The following GRSF1 variants were observed in gnomAD, a reference collection of about 807,000 sequenced individuals.
The protein encoded by GRSF1 is G-rich RNA sequence binding factor 1, also known as G-rich sequence factor 1.
A neutral mutation model predicts 51.1 loss-of-function variants in GRSF1; 50 were observed. The observed-to-expected ratio is 0.98, with a 90% confidence interval of 0.78 to 1.24. GRSF1 has a LOEUF of 1.24. Among genes scored for constraint, GRSF1 ranks in the 50% most tolerant of loss-of-function variants. The pLI is 0.00. For missense variants in GRSF1, 700 were observed against 639.7 expected (o/e 1.09, Z -1.02); for synonymous variants, 293 against 253.3 (o/e 1.16, Z -1.49).
At chr4:70,834,304 A>G (rs1734106077) in intron 2 of GRSF1, among the ~76,000 whole-genome samples, 1 of 152,102 alleles carries the variant, frequency 6.6e-6, no homozygotes. Flanking sequence ...AGAAACTAAA[A>G]AAAAAAATCC....
intron 5 of GRSF1, among the ~76,000 whole-genome samples, chr4:70,830,282 A>G (rs555699591): frequency 6.6e-5 from 10 of 152,216 alleles, no homozygotes; most frequent in South Asian, 2.1e-4. Context: ...GCACGCACGC[A>G]CACACACATA....
At chr4:70,831,213 G>A (rs1733953561) in intron 5 of GRSF1, among the ~76,000 whole-genome samples, 2 of 152,224 alleles carry the variant, frequency 1.3e-5, no homozygotes, top group South Asian at 4.1e-4. Flanking sequence ...AAAAAAGCCG[G>A]GCATGGTGGC....
At chr4:70,834,759 C>T (rs531114953) in intron 2 of GRSF1, among the ~76,000 whole-genome samples, 1 of 152,232 alleles carries the variant, frequency 6.6e-6, no homozygotes, top group African/African-American at 2.4e-5. Context: ...GTAGCTGGGA[C>T]TACGGGAGCG....
intron 8 of GRSF1, among the ~76,000 whole-genome samples, chr4:70,824,674 T>A (rs912611170): frequency 6.6e-6 from 1 of 152,034 alleles, no homozygotes; most frequent in African/African-American, 2.4e-5. Context: ...TCCCAGCTAC[T>A]CGGGAGGCTG....
At chr4:70,829,210 A>G (rs1188075760) in intron 5 of GRSF1, among the ~76,000 whole-genome samples, 3 of 152,064 alleles carry the variant, frequency 2.0e-5, no homozygotes, top group Non-Finnish European at 2.9e-5. Flanking sequence ...TTTTCTTAAC[A>G]TGGCCTTCTA....
At chr4:70,838,559 T>C (rs1310943491) in intron 1 of GRSF1, among the ~76,000 whole-genome samples, 1 of 152,056 alleles carries the variant, frequency 6.6e-6, no homozygotes, top group African/African-American at 2.4e-5. Flanking sequence ...GAAGCACAAA[T>C]TGAATTAAGA....
upstream of GRSF1, among the ~76,000 whole-genome samples, chr4:70,840,382 T>C (rs1734422595): frequency 6.6e-6 from 1 of 152,188 alleles, no homozygotes; most frequent in Non-Finnish European, 1.5e-5. Flanking sequence ...TCCTAGCACT[T>C]TGGCAGGCAG....
Position 70,833,292 on chromosome 4 carries a change from A to G in GRSF1, c.515-19T>C. 6.2e-7 allele frequency: 1 copy of G among 1,605,984 alleles called. No individual in the cohort carries two copies. Among genetic ancestry groups the G allele is most frequent in the Non-Finnish European group, 8.5e-7 (1 of 1,175,332 alleles). On this transcript the variant is annotated intron_variant, in intron 2 of 9. Transcript: ENST00000254799. ...CTGCAGTCTAAAAGTGTATGAGCAAAATCAATTGAAAACAGAAATCAAACT... is the reference window on the plus strand; with the variant it reads ...CTGCAGTCTAAAAGTGTATGAGCAAGATCAATTGAAAACAGAAATCAAACT...
intron 9 of GRSF1, among the ~76,000 whole-genome samples, chr4:70,823,974 CTCTTTTT>C (rs1365607673): frequency 2.0e-5 from 2 of 100,932 alleles, no homozygotes; most frequent in South Asian, 3.6e-4. Flanking sequence ...TTGTATCTCT[CTCTTTTT>C]TTTTTTTTTT....
At chr4:70,827,234 G>C (rs1254441683) in intron 6 of GRSF1, among the ~76,000 whole-genome samples, 1 of 151,224 alleles carries the variant, frequency 6.6e-6, no homozygotes, top group Non-Finnish European at 1.5e-5. Flanking sequence ...CCTGCAGTGA[G>C]CCGAGAGTGC....
In GRSF1 at chr4:70,839,555, GGCGGCC is replaced by G; in HGVS notation, c.267_272del (p.Ala91_Ala92del). On this transcript the variant is annotated inframe_deletion, in exon 1 of 10. Transcript: ENST00000254799. ...AGGCACGGAGGGCAGAGTAGGACGC[GGCGGCC>G]GCGGCCGCGGCAGAGGTGGCCACAG... is the stretch of plus-strand genomic sequence containing the variant. 51 of 1,423,850 alleles carry G rather than the reference GGCGGCC, an allele frequency of 3.6e-5. No homozygotes were observed. Among genetic ancestry groups the G allele is most frequent in the African/African-American group, 7.5e-5 (5 of 66,778 alleles). 88.2% of individuals were successfully genotyped at this position (1,423,850 alleles called of 1,614,324 possible). A position where few individuals can be genotyped will look rare whatever the true frequency, so the allele number is the denominator to read the frequency against.
intron 5 of GRSF1, among the ~76,000 whole-genome samples, chr4:70,828,763 G>A (rs10027754): frequency 0.87 from 128,463 of 147,024 alleles, 57,725 homozygotes; most frequent in East Asian, 1. Flanking sequence ...TTGAAGCAGA[G>A]TTTTGCTTTT....
Position 70,839,849 on chromosome 4 carries a change from G to C in GRSF1, c.-22C>G. The C allele has an allele frequency of 6.8e-7, 1 of 1,470,492 alleles. No individual in the cohort carries two copies. The highest frequency in any genetic ancestry group is 8.9e-7 in the Non-Finnish European group (1 of 1,119,710). The allele number at this position is 1,470,492 out of a possible 1,614,324, so 91.1% of individuals were successfully genotyped here. A position where few individuals can be genotyped will look rare whatever the true frequency, so the allele number is the denominator to read the frequency against. On this transcript the variant is annotated 5_prime_UTR_variant, in exon 1 of 10. Transcript: ENST00000254799. The stretch of plus-strand genomic sequence containing the variant: ...CCATGGACTCCGGAGGCGGCGCAGG[G>C]CCTGAAGGCAGCTGCTCCAGCAGCG...
intron 9 of GRSF1, among the ~76,000 whole-genome samples, chr4:70,823,685 C>T (rs1411770052): frequency 1.3e-5 from 2 of 151,834 alleles, no homozygotes; most frequent in South Asian, 2.1e-4. Flanking sequence ...GCCTGGGCAA[C>T]ATAGTGAGAC....
upstream of GRSF1, among the ~76,000 whole-genome samples, chr4:70,840,246 G>C (rs925745267): frequency 9.9e-5 from 15 of 152,062 alleles, no homozygotes; most frequent in African/African-American, 3.6e-4. Flanking sequence ...CCCATGGTTT[G>C]GGCGGGGCCC....
At chr4:70,838,290 T>C (rs1734304156) in intron 1 of GRSF1, among the ~76,000 whole-genome samples, 1 of 151,112 alleles carries the variant, frequency 6.6e-6, no homozygotes, top group Admixed American at 6.6e-5. Context: ...TAACACATAG[T>C]AGATGCTCTA....
At chr4:70,825,484 T>C in intron 7 of GRSF1, 53 bp from the exon 8 acceptor site, 1 of 1,472,728 alleles carries the variant, frequency 6.8e-7, no homozygotes, top group Non-Finnish European at 9.2e-7. Context: ...TAAACCTACC[T>C]AGAAGTCTGG....
chr4:70,821,149 A>AG (rs1023215530), intron 9 of GRSF1, among the ~76,000 whole-genome samples: 2 of 152,232 alleles, frequency 1.3e-5, no homozygotes, highest in African/African-American at 4.8e-5. Flanking sequence ...AGAAGAGGCC[A>AG]GGCACGGTGG....
In GRSF1 at chr4:70,839,798, C is replaced by T. The variant is rs1479009743; in HGVS notation, c.30G>A (p.Ala10=). The change falls in exon 1 of 10, where the codon GCG becomes GCA. Residue 10 remains alanine (A), a synonymous_variant. Transcript: ENST00000254799. Reference sequence around the variant, plus strand: ...AGTTACAGCCGCAGCCCCGGAGCAGCGCCCCGAGTACCCAGCGCGTGCCGG... The same window carrying T: ...AGTTACAGCCGCAGCCCCGGAGCAGTGCCCCGAGTACCCAGCGCGTGCCGG... MAGTRWVLG[A]LLRGCGCNCS... 2.7e-6 allele frequency: 4 copies of T among 1,504,432 alleles called. No homozygotes were observed. In the Middle Eastern group the frequency reaches 7.0e-4, roughly 264 times the overall value. 93.2% of individuals were successfully genotyped at this position (1,504,432 alleles called of 1,614,324 possible).
Sources: allele counts gnomAD v4.1 joint callset (sites outside exome capture counted in the v4.1 genomes callset), GRCh38; gene constraint gnomAD v4.1.1; transcripts MANE v1.5; gene names NCBI Gene and HGNC (gene_info 2026-07-23, HGNC 2026-07-21).